KIF26A: variants seen among roughly 807,000 people sequenced by gnomAD.
KIF26A encodes kinesin-like protein KIF26A.
In KIF26A, 74 loss-of-function variants were observed where a neutral mutation model predicts 126.0. That is an observed-to-expected ratio of 0.59 (90% CI 0.49 to 0.71). The LOEUF (loss-of-function observed/expected upper bound fraction) is 0.71. Among genes scored for constraint, KIF26A ranks in the 30% least tolerant of loss-of-function variants. The pLI is 0.00. For synonymous variants in KIF26A, 1,445 were observed against 1,232.7 expected, an observed-to-expected ratio of 1.17 and a Z score of -3.61; for missense variants, 2,984 against 2,763.3, an observed-to-expected ratio of 1.08 and a Z score of -1.79.
intron 4 of KIF26A, among the ~76,000 whole-genome samples, chr14:104,160,789 C>T (rs192420771): frequency 1.3e-3 from 199 of 152,344 alleles, no homozygotes; most frequent in Middle Eastern, 3.4e-3. Context: ...CTCACCTGCT[C>T]GCTGCCATGC....
chr14:104,144,329 G>C lies in KIF26A; in HGVS notation c.288+5041G>C, dbSNP rs1290878893. ...TTATGTCGGGGCAGGGACGTGCTCT[G>C]GGGGAGTCTGGCCGTGGTCACATGT... On this transcript the variant is annotated intron_variant, in intron 2 of 14. Coordinates refer to ENST00000423312, the MANE Select transcript of KIF26A (RefSeq NM_015656.2). 2.6e-5 allele frequency among the ~76,000 whole-genome samples: 4 copies of C among 152,264 alleles called. No homozygotes were observed. The East Asian group carries it at 7.7e-4, about 29-fold the overall frequency.
At chr14:104,179,112 G>A in intron 13 of KIF26A, 124 bp from the exon 14 acceptor site, 1 of 1,166,240 alleles carries the variant, frequency 8.6e-7, no homozygotes, top group Non-Finnish European at 1.1e-6. Flanking sequence ...GCCCGCCCTT[G>A]GAGCCCCACT....
chr14:104,172,036 G>C (rs2037963232), intron 6 of KIF26A, 101 bp downstream of exon 6: 1 of 1,136,040 alleles, frequency 8.8e-7, no homozygotes, highest in African/African-American at 1.6e-5. Context: ...GCAGGGCGCA[G>C]AGGAAGCGTG....
chr14:104,161,731 G>A, intron 4 of KIF26A, among the ~76,000 whole-genome samples: 1 of 152,362 alleles, frequency 6.6e-6, no homozygotes, highest in East Asian at 1.9e-4. Context: ...CTCACGGCAG[G>A]GGGTAGTTGC....
At chr14:104,138,815 G>A in intron 1 of KIF26A, 51 bp downstream of exon 1, 1 of 1,250,596 alleles carries the variant, frequency 8.0e-7, no homozygotes, top group Non-Finnish European at 1.0e-6. Flanking sequence ...GGCCCGGGAC[G>A]GCGAAGATAC....
Position 104,151,493 on chromosome 14 carries a change from G to A in KIF26A, c.289-522G>A, listed in dbSNP as rs151254256. Among the ~76,000 whole-genome samples the A allele has an allele frequency of 1.3e-3, 194 of 152,332 alleles. 1 individual carries two copies. The highest frequency in any genetic ancestry group is 4.5e-3 in the African/African-American group (187 of 41,574). The stretch of plus-strand genomic sequence containing the variant: ...AGGAGCGTCTCCGAGGGAGGCCTTC[G>A]CTTCTGTTGACACCTTTACAGCAGC... On this transcript the variant is annotated intron_variant, in intron 2 of 14. Transcript: ENST00000423312. The surrounding 1 kb of genome is among the most constrained non-coding windows in gnomAD (Gnocchi z 4.9).
chr14:104,154,900 G>A (rs1232159899), intron 3 of KIF26A, among the ~76,000 whole-genome samples: 2 of 152,202 alleles, frequency 1.3e-5, no homozygotes, highest in East Asian at 3.9e-4. Context: ...CGGCTTGGGG[G>A]CTCCTGCCAC....
Position 104,179,266 on chromosome 14 carries a change from C to A in KIF26A, c.5347C>A (p.Leu1783Met). 1.3e-6 allele frequency: 2 copies of A among 1,524,952 alleles called. No homozygotes were observed. Among genetic ancestry groups the A allele is most frequent in the Non-Finnish European group, 8.8e-7 (1 of 1,140,664 alleles). 94.5% of individuals were successfully genotyped at this position (1,524,952 alleles called of 1,614,324 possible). The change falls in exon 14 of 15, where the codon CTG becomes ATG. Residue 1783 changes from leucine to methionine, a missense_variant. Leu to Met is a conservative substitution (Grantham distance 15, BLOSUM62 2). Coordinates refer to ENST00000423312, the MANE Select transcript of KIF26A (RefSeq NM_015656.2). ...GGCGTGCGTCAGTACAAGGCTGCGG[C>A]TGGCGGAGCGCAGGCAGCAGCGGCT... ...GLACVSTRLR[L>M]AERRQQRLRE...
chr14:104,146,535 G>T (rs2141090871), intron 2 of KIF26A, among the ~76,000 whole-genome samples: 1 of 151,318 alleles, frequency 6.6e-6, no homozygotes, highest in Middle Eastern at 3.4e-3. Flanking sequence ...TATGCAGAGG[G>T]TGGCGACCAC....
rs202197284 is a variant in KIF26A, at chr14:104,173,332, C to G, written c.1686C>G (p.Leu562=). Residue 562 remains leucine, a splice_region_variant and synonymous_variant, in exon 9 of 15, where the codon CTC becomes CTG. Coordinates refer to ENST00000423312, the MANE Select transcript of KIF26A (RefSeq NM_015656.2). ...CGCTGCCTCTGCCTTTCCTGCAGCT[C>G]CAGAACCAAAGCGAGCTGCGGGCAC... ...LREDPVCGAQ[L]QNQSELRAPT... The G allele has an allele frequency of 1.3e-4, 214 of 1,607,774 alleles. 1 individual carries two copies. The highest frequency in any genetic ancestry group is 1.7e-4 in the Non-Finnish European group (204 of 1,177,244).
At chr14:104,161,501 A>G (rs781589678) in intron 4 of KIF26A, among the ~76,000 whole-genome samples, 2 of 152,200 alleles carry the variant, frequency 1.3e-5, no homozygotes, top group African/African-American at 2.4e-5. Flanking sequence ...TTTTCTCTGT[A>G]AAAAGGAAAA....
At chr14:104,164,765 CTG>C (rs1161943534) in intron 4 of KIF26A, among the ~76,000 whole-genome samples, 2 of 149,864 alleles carry the variant, frequency 1.3e-5, no homozygotes, top group East Asian at 2.0e-4. Context: ...GTGCGCGTGT[CTG>C]TGTGTGCATC....
In KIF26A at chr14:104,178,736, C is replaced by T. The variant is rs370124215; in HGVS notation, c.5297C>T (p.Pro1766Leu). 3.0e-4 allele frequency: 466 copies of T among 1,540,096 alleles called. No homozygotes were observed. The highest frequency in any genetic ancestry group is 1.6e-3 in the African/African-American group (117 of 73,068). Residue 1766 changes from proline (P) to leucine (L), a missense_variant, in exon 13 of 15, where the codon CCG (proline) becomes CTG (leucine). Coordinates refer to ENST00000423312, the MANE Select transcript of KIF26A (RefSeq NM_015656.2). Reference protein sequence around the residue: ...VERLQRPRPTPREAPTQGLAC... With the variant: ...VERLQRPRPTLREAPTQGLAC... ...CGCCTTCAGCGGCCCCGCCCCACCC[C>T]GAGGGAGGCCCCCACCCAGGTAGGG...
At chr14:104,165,775 CTG>C (rs1241272515) in intron 4 of KIF26A, among the ~76,000 whole-genome samples, 3 of 142,618 alleles carry the variant, frequency 2.1e-5, no homozygotes, top group Admixed American at 7.0e-5. Flanking sequence ...ATGTGTGTGA[CTG>C]TGTCTCTGTG....
rs1421505927 is a variant in KIF26A, at chr14:104,152,212, AC to A, written c.492del (p.Ser165AlafsTer43). On this transcript the variant is annotated frameshift_variant, in exon 3 of 15. Coordinates refer to ENST00000423312, the MANE Select transcript of KIF26A (RefSeq NM_015656.2). LOFTEE classifies it high-confidence loss of function. The surrounding 1 kb of genome is among the most constrained non-coding windows in gnomAD (Gnocchi z 5.9). The part of the protein sequence containing the change: ...DAPHGGPSLA[P>X]PSTTTSSRDT... ...CCCCCCATGGAGGCCCCAGCCTCGC[AC>A]CCCCCAGCACCACGACCAGCTCGAG... The A allele has an allele frequency of 3.8e-6, 6 of 1,599,054 alleles. No homozygotes were observed. The highest frequency in any genetic ancestry group is 4.3e-6 in the Non-Finnish European group (5 of 1,175,020).
In KIF26A at chr14:104,172,966, G is replaced by C. The variant is rs756010133; in HGVS notation, c.1421-11G>C. On this transcript the variant is annotated splice_polypyrimidine_tract_variant and intron_variant, in intron 7 of 14. Coordinates refer to ENST00000423312, the MANE Select transcript of KIF26A (RefSeq NM_015656.2). ...GTGTGTGGTGGGGCCTGACGCCTGCGTGGCCCCCAGGCAAGTCGTACACCA... is the reference window on the plus strand; with the variant it reads ...GTGTGTGGTGGGGCCTGACGCCTGCCTGGCCCCCAGGCAAGTCGTACACCA... The C allele has an allele frequency of 4.4e-6, 7 of 1,579,430 alleles. No homozygotes were observed. Among genetic ancestry groups the C allele is most frequent in the Non-Finnish European group, 4.3e-6 (5 of 1,159,740 alleles).
Position 104,152,458 on chromosome 14 carries a change from C to T in KIF26A, c.732C>T (p.Cys244=), listed in dbSNP as rs1373709937. 20 of 1,566,142 alleles carry T rather than the reference C, an allele frequency of 1.3e-5. No individual in the cohort carries two copies. In the East Asian group the frequency reaches 4.7e-4, roughly 37 times the overall value. ...TCAACAGCTTCCTCCCGCCGGCGTG[C>T]CTGGTGAGTGTCTTGCTCAGCGGAT... ...SRVNSFLPPA[C]LAEAAVAAVA... Residue 244 remains cysteine, a synonymous_variant, in exon 3 of 15, where the codon TGC becomes TGT. Coordinates refer to ENST00000423312, the MANE Select transcript of KIF26A (RefSeq NM_015656.2). This position sits in a 1 kb window ranked among gnomAD's most constrained non-coding sequence, Gnocchi z 5.9.
At position 104,139,053 on chromosome 14, in the gene KIF26A, G is replaced by A. The variant is rs1355886660; in HGVS notation, c.53G>A (p.Gly18Asp). The A allele has an allele frequency of 2.9e-6, 4 of 1,370,996 alleles. No individual in the cohort carries two copies. The highest frequency in any genetic ancestry group is 8.0e-5 in the Admixed American group (2 of 24,988). The allele number at this position is 1,370,996 out of a possible 1,614,324, so 84.9% of individuals were successfully genotyped here. ...LCAAQPAVAEGGPAREPPPLL... is the reference protein window; with the variant it reads ...LCAAQPAVAEDGPAREPPPLL... ...CCCCACACCCTGCAGGTGGCCGAGG[G>A]CGGCCCGGCCCGCGAGCCGCCGCCG... is the stretch of plus-strand genomic sequence containing the variant. The change falls in exon 2 of 15, where the codon GGC becomes GAC. Residue 18 changes from glycine to aspartate, a missense_variant. By Grantham distance (94) the Gly-to-Asp change is moderately conservative. Coordinates refer to ENST00000423312, the MANE Select transcript of KIF26A (RefSeq NM_015656.2).
In KIF26A at chr14:104,152,956, T is replaced by C. The variant is rs1261036072; in HGVS notation, c.735+495T>C. On this transcript the variant is annotated intron_variant, in intron 3 of 14. Transcript: ENST00000423312. The surrounding 1 kb of genome is among the most constrained non-coding windows in gnomAD (Gnocchi z 5.9). ...GTGGCACCCTGGGGGCAGAGGGACA[T>C]GTGGGTGGCTGTGAAGAGCCGTGTT... is the stretch of plus-strand genomic sequence containing the variant. Among the ~76,000 whole-genome samples, 2 of 152,064 alleles carry C rather than the reference T, an allele frequency of 1.3e-5. No homozygotes were observed. The highest frequency in any genetic ancestry group is 2.9e-5 in the Non-Finnish European group (2 of 67,986).
Sources: allele counts gnomAD v4.1 joint callset (sites outside exome capture counted in the v4.1 genomes callset), GRCh38; gene constraint gnomAD v4.1.1; non-coding constraint Gnocchi (gnomAD v3.1); transcripts MANE v1.5; gene names NCBI Gene and HGNC (gene_info 2026-07-23, HGNC 2026-07-21).